The following CBX5 variants were observed in gnomAD, a reference collection of about 807,000 sequenced individuals.
CBX5 encodes the protein chromobox 5, also known as chromobox protein homolog 5.
CBX5 carries 7 observed loss-of-function variants against 20.7 expected under a neutral mutation model. The ratio of observed to expected loss-of-function variants is 0.34; its 90% CI spans 0.19 to 0.63. CBX5 has a LOEUF of 0.63. CBX5 is among the 30% of genes least tolerant of loss of function. CBX5 has a pLI of 0.75. For missense variants in CBX5, 110 were observed against 224.1 expected (o/e 0.49, Z 3.25); for synonymous variants, 78 against 77.0 (o/e 1.01, Z -0.07).
Position 54,241,229 on chromosome 12 carries a change from C to A in CBX5, c.*526G>T, listed in dbSNP as rs1943672655. ...AAACCCTGTATTCTCCTGGGTAGAG[C>A]TGAACAAGGTTGGGAAAGCCCCAAC... On this transcript the variant is annotated 3_prime_UTR_variant, in exon 5 of 5. Transcript: ENST00000209875. The A allele has an allele frequency of 6.6e-6, 1 of 152,340 alleles. No homozygotes were observed. Among genetic ancestry groups the A allele is most frequent in the South Asian group, 2.1e-4 (1 of 4,834 alleles). The allele number at this position is 152,340 out of a possible 1,614,324, so 9.4% of individuals were successfully genotyped here. A position where few individuals can be genotyped will look rare whatever the true frequency, so the allele number is the denominator to read the frequency against.
chr12:54,237,723 T>C lies in CBX5; in HGVS notation c.*4032A>G. 1 of 167,566 alleles carries C rather than the reference T, an allele frequency of 6.0e-6. No homozygotes were observed. 10.4% of individuals were successfully genotyped at this position (167,566 alleles called of 1,614,324 possible). Reference sequence around the variant, plus strand: ...TGCAAGTCCAGGGCTTTTCTCATCCTGCCTTCCCATCACCTGACCCTCCTC... The same window carrying C: ...TGCAAGTCCAGGGCTTTTCTCATCCCGCCTTCCCATCACCTGACCCTCCTC... On this transcript the variant is annotated 3_prime_UTR_variant, in exon 5 of 5. Transcript: ENST00000209875.
intron 1 of CBX5, among the ~76,000 whole-genome samples, chr12:54,260,214 G>A (rs1481873244): frequency 6.6e-6 from 1 of 151,002 alleles, no homozygotes; most frequent in East Asian, 1.9e-4. Flanking sequence ...TGGAGGGCCA[G>A]GTGCAGTGGC....
chr12:54,250,566 G>A (rs1384505145), intron 3 of CBX5, among the ~76,000 whole-genome samples: 1 of 151,646 alleles, frequency 6.6e-6, no homozygotes, highest in Non-Finnish European at 1.5e-5. Flanking sequence ...AGCACTTTGG[G>A]AGGCCGAGGC....
intron 3 of CBX5, among the ~76,000 whole-genome samples, chr12:54,249,109 G>A (rs1943766952): frequency 6.6e-6 from 1 of 152,158 alleles, no homozygotes; most frequent in African/African-American, 2.4e-5. Context: ...GGTGGCTCAT[G>A]CCTGTAATCA....
intron 1 of CBX5, among the ~76,000 whole-genome samples, chr12:54,268,363 A>G (rs1233204129): frequency 3.3e-5 from 5 of 152,246 alleles, no homozygotes; most frequent in African/African-American, 1.2e-4. Flanking sequence ...CCACAATATC[A>G]TAAAAGTGTG....
chr12:54,278,600 G>A (rs1944093816), intron 1 of CBX5: 1 of 152,156 alleles, frequency 6.6e-6, no homozygotes, highest in Non-Finnish European at 1.5e-5. Flanking sequence ...GAATAAAGCA[G>A]TAAGACTCTG....
chr12:54,244,940 A>G (rs1943719003), intron 4 of CBX5, among the ~76,000 whole-genome samples: 1 of 152,014 alleles, frequency 6.6e-6, no homozygotes, highest in Non-Finnish European at 1.5e-5. Flanking sequence ...TCACAGGCCC[A>G]TGGTCTTACA....
In CBX5 at chr12:54,233,321, T is replaced by TA. The variant is rs1431197175; in HGVS notation, c.*8433dup. 1 of 152,212 alleles carries TA rather than the reference T, an allele frequency of 6.6e-6. No individual in the cohort carries two copies. Among genetic ancestry groups the TA allele is most frequent in the African/African-American group, 2.4e-5 (1 of 41,450 alleles). 9.4% of individuals were successfully genotyped at this position (152,212 alleles called of 1,614,324 possible). On this transcript the variant is annotated 3_prime_UTR_variant, in exon 5 of 5. Coordinates refer to ENST00000209875, the MANE Select transcript of CBX5 (RefSeq NM_012117.3). ...TATGTCTTTTCTCCCCCTTTGGATT[T>TA]ACTTTGGATTCTGGTAGAAATCATT...
At chr12:54,257,755 T>C (rs916527139) in intron 1 of CBX5, 63 bp from the exon 2 acceptor site, 7 of 1,287,972 alleles carry the variant, frequency 5.4e-6, no homozygotes, top group Admixed American at 2.0e-5. Context: ...TTGTCTTTTC[T>C]TGATGGGATG....
At chr12:54,275,844 A>G (rs918864668) in intron 1 of CBX5, among the ~76,000 whole-genome samples, 1 of 151,916 alleles carries the variant, frequency 6.6e-6, no homozygotes, top group Non-Finnish European at 1.5e-5. Context: ...CGTCTCTACT[A>G]AAAATTAGCC....
rs958069300 is a variant in CBX5, at chr12:54,230,975, T to C, written c.*10780A>G. 2.0e-5 allele frequency: 3 copies of C among 151,802 alleles called. No homozygotes were observed. Among genetic ancestry groups the C allele is most frequent in the African/African-American group, 4.8e-5 (2 of 41,298 alleles). The allele number at this position is 151,802 out of a possible 1,614,324, so 9.4% of individuals were successfully genotyped here. On this transcript the variant is annotated 3_prime_UTR_variant, in exon 5 of 5. Coordinates refer to ENST00000209875, the MANE Select transcript of CBX5 (RefSeq NM_012117.3). ...AAAAGCAACCATTTATTAGAACCAA[T>C]ACAAGAGTATGAAAAGGGGGAAAAG...
intron 1 of CBX5, among the ~76,000 whole-genome samples, chr12:54,264,130 T>C (rs1345059628): frequency 6.6e-6 from 1 of 152,224 alleles, no homozygotes; most frequent in Non-Finnish European, 1.5e-5. Flanking sequence ...CTGTCTGCTT[T>C]GTCCAGTTCA....
At chr12:54,268,193 A>G (rs1275582774) in intron 1 of CBX5, among the ~76,000 whole-genome samples, 1 of 152,136 alleles carries the variant, frequency 6.6e-6, no homozygotes, top group Non-Finnish European at 1.5e-5. Flanking sequence ...CTCCTGGGCC[A>G]TGTATTATGA....
Position 54,269,624 on chromosome 12 carries a change from T to C in CBX5, c.-43+10384A>G, listed in dbSNP as rs145627982. On this transcript the variant is annotated intron_variant, in intron 1 of 4. Coordinates refer to ENST00000209875, the MANE Select transcript of CBX5 (RefSeq NM_012117.3). ...GGCTGGTCTTGAACTCCTGACCTCG[T>C]GATCCACCCACCTCAGCCTCCCAAA... is the stretch of plus-strand genomic sequence containing the variant. Among the ~76,000 whole-genome samples the C allele has an allele frequency of 3.3e-5, 5 of 152,260 alleles. 1 individual carries two copies. The highest frequency in any genetic ancestry group is 1.2e-4 in the African/African-American group (5 of 41,554).
At chr12:54,279,704 G>C (rs145084402) in intron 1 of CBX5, among the ~76,000 whole-genome samples, 28 of 152,288 alleles carry the variant, frequency 1.8e-4, no homozygotes, top group Non-Finnish European at 8.8e-5. Flanking sequence ...GGCTCAGTGA[G>C]ACGCTGCTCA....
intron 4 of CBX5, among the ~76,000 whole-genome samples, chr12:54,244,909 C>A (rs1943718754): frequency 6.6e-6 from 1 of 152,052 alleles, no homozygotes; most frequent in African/African-American, 2.4e-5. Flanking sequence ...CAGAAAGCCT[C>A]ATTTGATTCC....
intron 3 of CBX5, among the ~76,000 whole-genome samples, chr12:54,249,152 C>T (rs1041047287): frequency 4.6e-5 from 7 of 152,098 alleles, no homozygotes; most frequent in Middle Eastern, 3.2e-3. Context: ...GGGCGGATAA[C>T]GAGGTCAGGA....
chr12:54,258,327 C>A (rs1470435341), intron 1 of CBX5: 1 of 152,118 alleles, frequency 6.6e-6, no homozygotes, highest in African/African-American at 2.4e-5. Flanking sequence ...TTTTAGAAAG[C>A]TAATTTGGGG....
chr12:54,244,845 G>A (rs1943718096), intron 4 of CBX5, among the ~76,000 whole-genome samples: 1 of 152,038 alleles, frequency 6.6e-6, no homozygotes, highest in Non-Finnish European at 1.5e-5. Context: ...GCTTTTTGTT[G>A]AGATTATTTT....
Sources: allele counts gnomAD v4.1 joint callset (sites outside exome capture counted in the v4.1 genomes callset), GRCh38; gene constraint gnomAD v4.1.1; transcripts MANE v1.5; gene names NCBI Gene and HGNC (gene_info 2026-07-23, HGNC 2026-07-21).